Variants in GAB3 observed in about 807,000 individuals in gnomAD.
The protein encoded by GAB3 is GRB2 associated binding protein 3, also known as GRB2-associated-binding protein 3.
In GAB3, 12 loss-of-function variants were observed where a neutral mutation model predicts 40.4. The ratio of observed to expected loss-of-function variants is 0.30; its 90% CI spans 0.19 to 0.48. GAB3 has a LOEUF of 0.48. Ranked by LOEUF, GAB3 falls within the 20% of genes least tolerant of loss-of-function variation. GAB3 has a pLI of 0.99. For missense variants in GAB3, 381 were observed against 461.9 expected, an observed-to-expected ratio of 0.82 and a Z score of 1.61; for synonymous variants, 154 against 176.7, an observed-to-expected ratio of 0.87 and a Z score of 1.02.
intron 1 of GAB3, among the ~76,000 whole-genome samples, chrX:154,732,868 A>C (rs2148480689): frequency 9.0e-6 from 1 of 111,470 alleles, no homozygotes; most frequent in South Asian, 3.8e-4. Flanking sequence ...AGTCAATAGA[A>C]GCTGCTCCAT....
intron 6 of GAB3, among the ~76,000 whole-genome samples, 181 bp downstream of exon 6, chrX:154,699,113 A>G (rs1231913223): frequency 9.0e-6 from 1 of 111,094 alleles, no homozygotes; most frequent in African/African-American, 3.3e-5. Flanking sequence ...TATCATGACA[A>G]TCTGGGGCAG....
chrX:154,681,677 A>C (rs1314793679), intron 8 of GAB3, among the ~76,000 whole-genome samples: 1 of 111,474 alleles, frequency 9.0e-6, no homozygotes, highest in Non-Finnish European at 1.9e-5. Flanking sequence ...ATTATGTTTA[A>C]GGAATCCTTC....
chrX:154,727,856 T>C (rs1242086690), intron 1 of GAB3, among the ~76,000 whole-genome samples: 1 of 111,933 alleles, frequency 8.9e-6, no homozygotes, highest in Admixed American at 9.4e-5. Flanking sequence ...TTTGGACACG[T>C]TCCTCCTGCA....
intron 9 of GAB3, among the ~76,000 whole-genome samples, chrX:154,678,795 ATG>A (rs1220465423): frequency 9.0e-6 from 1 of 111,580 alleles, no homozygotes; most frequent in Non-Finnish European, 1.9e-5. Context: ...GTGAAAAAGG[ATG>A]TGTTTCCTTC....
In GAB3 at chrX:154,678,113, A is replaced by G; in HGVS notation, c.*65T>C. The G allele has an allele frequency of 1.7e-6, 1 of 591,397 alleles. No homozygotes were observed. The allele number at this position is 591,397 out of a possible 1,213,427, so 48.7% of individuals were successfully genotyped here. A position where few individuals can be genotyped will look rare whatever the true frequency, so the allele number is the denominator to read the frequency against. The stretch of plus-strand genomic sequence containing the variant: ...GTTTTTAGTGGACAAAAAAAAAAAA[A>G]AAAGAAAAAACTCAAACTGAGCCCC... On this transcript the variant is annotated 3_prime_UTR_variant, in exon 10 of 10. Coordinates refer to ENST00000424127, the MANE Select transcript of GAB3 (RefSeq NM_001081573.3).
At chrX:154,684,948 T>C (rs946424254) in intron 8 of GAB3, among the ~76,000 whole-genome samples, 3 of 111,671 alleles carry the variant, frequency 2.7e-5, no homozygotes, top group Non-Finnish European at 5.7e-5. Flanking sequence ...TATTCTATCT[T>C]CCATGTCCCA....
chrX:154,740,944 G>T (rs1468935273), intron 1 of GAB3, among the ~76,000 whole-genome samples: 2 of 111,725 alleles, frequency 1.8e-5, no homozygotes, highest in African/African-American at 6.5e-5. Context: ...ACCTACTAGA[G>T]AATGCATCCA....
chrX:154,699,630 A>T, intron 5 of GAB3, 117 bp from the exon 6 acceptor site: 1 of 589,491 alleles, frequency 1.7e-6, no homozygotes, highest in Non-Finnish European at 2.6e-6. Context: ...ATAACTCTGA[A>T]CTTCCTCAGC....
intron 8 of GAB3, among the ~76,000 whole-genome samples, chrX:154,695,291 A>G (rs1279425325): frequency 8.9e-6 from 1 of 112,061 alleles, no homozygotes; most frequent in Non-Finnish European, 1.9e-5. Flanking sequence ...AGCATCCAAG[A>G]TGAAGAGAAT....
chrX:154,679,093 G>A (rs2070338054), intron 9 of GAB3: 1 of 319,921 alleles, frequency 3.1e-6, no homozygotes, highest in Admixed American at 3.2e-5. Context: ...GGAGATCGAG[G>A]CTGCAGTGAG....
chrX:154,715,245 G>A (rs1399337706), intron 2 of GAB3, among the ~76,000 whole-genome samples: 3 of 112,061 alleles, frequency 2.7e-5, no homozygotes, highest in African/African-American at 9.8e-5. Context: ...ACTAGACTAA[G>A]AGGCTAAAAG....
At chrX:154,686,940 A>G (rs2070459098) in intron 8 of GAB3, among the ~76,000 whole-genome samples, 2 of 111,662 alleles carry the variant, frequency 1.8e-5, no homozygotes, top group Admixed American at 9.5e-5. Flanking sequence ...CTGTATTCCC[A>G]GCACTTTGGG....
At chrX:154,710,868 A>G (rs1557255733) in intron 4 of GAB3, among the ~76,000 whole-genome samples, 1 of 112,597 alleles carries the variant, frequency 8.9e-6, no homozygotes, top group Admixed American at 9.4e-5. Context: ...CTTCAATTTA[A>G]GACTTTTAAT....
At chrX:154,732,072 G>C (rs782261971) in intron 1 of GAB3, among the ~76,000 whole-genome samples, 1 of 111,793 alleles carries the variant, frequency 8.9e-6, no homozygotes, top group Non-Finnish European at 1.9e-5. Context: ...CCGCTGACTA[G>C]AGCTATGTAG....
At position 154,712,233 on chromosome X, in the gene GAB3, C is replaced by T. The variant is rs1557256189; in HGVS notation, c.1065G>A (p.Trp355Ter). The stretch of plus-strand genomic sequence containing the variant: ...ATCTTAGGACCCAACACTTACCTTT[C>T]CAGGTTCTCATGTTGTCTAAACCAG... ...SLSGLDNMRTWKADVEGQSLR... is the reference protein window; with the variant it reads ...SLSGLDNMRT Residue 355 changes from tryptophan (W) to a stop codon, truncating the protein, a stop_gained, in exon 4 of 10, where the codon TGG becomes TGA. Transcript: ENST00000424127. LOFTEE classifies it high-confidence loss of function. 1 of 1,177,914 alleles carries T rather than the reference C, an allele frequency of 8.5e-7. No individual in the cohort carries two copies.
At chrX:154,691,032 T>C (rs1220200125) in intron 8 of GAB3, among the ~76,000 whole-genome samples, 47 of 110,426 alleles carry the variant, frequency 4.3e-4, no homozygotes, top group Non-Finnish European at 4.2e-4. Flanking sequence ...TGTCCAACAA[T>C]GACAGACTGG....
chrX:154,680,662 A>G (rs1557246647), intron 8 of GAB3, among the ~76,000 whole-genome samples: 2 of 112,191 alleles, frequency 1.8e-5, no homozygotes, highest in Non-Finnish European at 3.8e-5. Context: ...ATCAGGGCCC[A>G]GCTTCAGAAG....
rs374689316 is a variant in GAB3 at position 154,676,218 on chromosome X, C to A, written c.*1960G>T. The A allele has an allele frequency of 8.9e-6, 1 of 111,821 alleles. No individual in the cohort carries two copies. Among genetic ancestry groups the A allele is most frequent in the South Asian group, 3.8e-4 (1 of 2,651 alleles). The allele number at this position is 111,821 out of a possible 1,213,427, so 9.2% of individuals were successfully genotyped here. A position where few individuals can be genotyped will look rare whatever the true frequency, so the allele number is the denominator to read the frequency against. On this transcript the variant is annotated 3_prime_UTR_variant, in exon 10 of 10. Transcript: ENST00000424127. ...CACTACTGACATAATTTCAGCTATT[C>A]TTTTCTATCTCCAATCTGGTGTGGT...
chrX:154,739,185 A>G (rs1312755184), intron 1 of GAB3, among the ~76,000 whole-genome samples: 1 of 112,183 alleles, frequency 8.9e-6, no homozygotes, highest in African/African-American at 3.2e-5. Context: ...ATGATTTAAA[A>G]AAACAAAGCT....
Sources: gnomAD v4.1 joint callset for allele counts (sites outside exome capture counted in the v4.1 genomes callset) on GRCh38, gnomAD v4.1.1 for gene constraint, MANE v1.5 for transcripts, NCBI Gene and HGNC (gene_info 2026-07-23, HGNC 2026-07-21) for gene names.